CALN1: variants seen among roughly 807,000 people sequenced by gnomAD.
CALN1 encodes calneuron 1.
In CALN1, 17 loss-of-function variants were observed where a neutral mutation model predicts 30.6. The observed-to-expected ratio is 0.56, with a 90% CI of 0.38 to 0.83. CALN1 has a LOEUF of 0.83. CALN1 is among the 40% of genes least tolerant of loss of function. CALN1 has a pLI of 0.00. For missense variants in CALN1, 291 were observed against 354.9 expected, an observed-to-expected ratio of 0.82 and a Z score of 1.45; for synonymous variants, 156 against 131.4, an observed-to-expected ratio of 1.19 and a Z score of -1.28.
chr7:72,259,255 A>G (rs1210238993), intron 3 of CALN1, among the ~76,000 whole-genome samples: 1 of 151,908 alleles, frequency 6.6e-6, no homozygotes, highest in Non-Finnish European at 1.5e-5. Context: ...TCTTCTCATT[A>G]TCATCACTTA....
At chr7:71,965,098 G>A (rs1247652175) in intron 5 of CALN1, among the ~76,000 whole-genome samples, 1 of 152,154 alleles carries the variant, frequency 6.6e-6, no homozygotes, top group Non-Finnish European at 1.5e-5. Flanking sequence ...TGCCATCGTA[G>A]CTCACTGCAG....
chr7:71,986,398 A>C (rs1176519955), intron 5 of CALN1, among the ~76,000 whole-genome samples: 1 of 152,210 alleles, frequency 6.6e-6, no homozygotes, highest in Non-Finnish European at 1.5e-5. Context: ...TGATGCTTAA[A>C]AATATAAACC....
intron 5 of CALN1, among the ~76,000 whole-genome samples, chr7:71,984,580 G>T (rs553938235): frequency 6.6e-6 from 1 of 152,138 alleles, no homozygotes; most frequent in Admixed American, 6.5e-5. Flanking sequence ...ACATGTGGAG[G>T]TGCTTATTCT....
chr7:71,987,455 T>C (rs2129527582), intron 5 of CALN1, among the ~76,000 whole-genome samples: 1 of 152,304 alleles, frequency 6.6e-6, no homozygotes, highest in East Asian at 1.9e-4. Flanking sequence ...GAATGCATGA[T>C]GCAGGCATTA....
At chr7:72,478,558 C>T in the CALN1 span, among the ~76,000 whole-genome samples, 20 of 151,638 alleles carry the variant, frequency 1.3e-4, no homozygotes, top group African/African-American at 4.8e-4. Context: ...GGACATGCCA[C>T]AAACATCCCA....
chr7:72,278,472 T>TGTACACACACACACAC (rs1797501771), intron 3 of CALN1, among the ~76,000 whole-genome samples: 1 of 143,982 alleles, frequency 6.9e-6, no homozygotes. Flanking sequence ...ATCAGGTCTG[T>TGTACACACACACACAC]ACACACACAC....
At chr7:72,322,145 T>C (rs1800926027) in intron 2 of CALN1, among the ~76,000 whole-genome samples, 1 of 152,120 alleles carries the variant, frequency 6.6e-6, no homozygotes, top group Non-Finnish European at 1.5e-5. Flanking sequence ...CTGAGCTTAT[T>C]TTTCTGCAAC....
rs189049453 is a variant in CALN1 at position 72,119,130 on chromosome 7, A to G, written c.245-12836T>C. ...GCTCATGGGTATTTTCAAAGTCTCT[A>G]TTGTAAACTTGCTGTATTAGTCCAT... On this transcript the variant is annotated intron_variant, in intron 3 of 6. Coordinates refer to ENST00000395275, the MANE Select transcript of CALN1 (RefSeq NM_031468.4). 2.0e-3 allele frequency among the ~76,000 whole-genome samples: 309 copies of G among 152,318 alleles called. 2 individuals carry two copies. Among genetic ancestry groups the G allele is most frequent in the Middle Eastern group, 6.8e-3 (2 of 294 alleles).
At chr7:71,796,822 A>C (rs1029376339) in intron 6 of CALN1, among the ~76,000 whole-genome samples, 4 of 152,130 alleles carry the variant, frequency 2.6e-5, no homozygotes, top group Non-Finnish European at 5.9e-5. Context: ...TGAGTTGAGG[A>C]GGCTGCCGCG....
chr7:71,984,943 T>C (rs1798586791), intron 5 of CALN1, among the ~76,000 whole-genome samples: 2 of 152,124 alleles, frequency 1.3e-5, no homozygotes, highest in African/African-American at 4.8e-5. Context: ...ATGGAAGTTC[T>C]TTCTCTCTCC....
chr7:72,283,040 G>A (rs1302911645), intron 2 of CALN1, among the ~76,000 whole-genome samples: 1 of 134,240 alleles, frequency 7.4e-6, no homozygotes, highest in Non-Finnish European at 1.6e-5. Context: ...GGGTGATCGA[G>A]GGAGACTCCA....
At chr7:72,478,742 C>T in the CALN1 span, among the ~76,000 whole-genome samples, 1 of 151,812 alleles carries the variant, frequency 6.6e-6, no homozygotes. Context: ...TAACCGGGTA[C>T]CCAAAATAAA....
chr7:72,228,281 T>TCC lies in CALN1; in HGVS notation c.244+50403_244+50404dup, dbSNP rs766497894. Among the ~76,000 whole-genome samples, 37 of 151,870 alleles carry TCC rather than the reference T, an allele frequency of 2.4e-4. 1 individual carries two copies. The East Asian group carries it at 3.7e-3, about 15-fold the overall frequency. ...AATCTTCCCTTCACTCAACATTCTG[T>TCC]CCTCTGCTTGCCTAGAATGCATGTA... On this transcript the variant is annotated intron_variant, in intron 3 of 6. Transcript: ENST00000395275.
chr7:71,794,075 C>T (rs867397095), intron 6 of CALN1, among the ~76,000 whole-genome samples: 19 of 152,132 alleles, frequency 1.2e-4, no homozygotes, highest in South Asian at 8.3e-4. Context: ...GCAGAGGTTG[C>T]ATAGTGGCAG....
intron 4 of CALN1, among the ~76,000 whole-genome samples, chr7:72,083,885 A>T (rs1466982503): frequency 6.6e-6 from 1 of 151,096 alleles, no homozygotes; most frequent in African/African-American, 2.4e-5. Context: ...TGCAAAAAAA[A>T]CCTTAAAGAC....
chr7:71,908,840 C>T (rs1406666577), intron 5 of CALN1, among the ~76,000 whole-genome samples: 1 of 152,172 alleles, frequency 6.6e-6, no homozygotes, highest in East Asian at 1.9e-4. Context: ...TCAACTTGGT[C>T]CATTGATTCA....
At chr7:71,939,533 A>AT (rs1311395319) in intron 5 of CALN1, among the ~76,000 whole-genome samples, 1 of 151,390 alleles carries the variant, frequency 6.6e-6, no homozygotes, top group Non-Finnish European at 1.5e-5. Context: ...AGATCGTGCC[A>AT]TTGCACTTCA....
At chr7:71,808,872 GTT>G (rs1428909821) in intron 6 of CALN1, among the ~76,000 whole-genome samples, 1 of 152,130 alleles carries the variant, frequency 6.6e-6, no homozygotes, top group South Asian at 2.1e-4. Context: ...CAGGTCTGCT[GTT>G]TTCTCAAGTT....
intron 5 of CALN1, among the ~76,000 whole-genome samples, chr7:71,897,380 G>T (rs138425491): frequency 4.6e-5 from 7 of 152,268 alleles, no homozygotes; most frequent in Non-Finnish European, 7.4e-5. Flanking sequence ...TGCTGAGCTT[G>T]TAAGAGAGAA....
Sources: allele counts gnomAD v4.1 joint callset (sites outside exome capture counted in the v4.1 genomes callset), GRCh38; gene constraint gnomAD v4.1.1; transcripts MANE v1.5; gene names NCBI Gene and HGNC (gene_info 2026-07-23, HGNC 2026-07-21).